The following MALRD1 variants were observed in gnomAD, a reference collection of about 807,000 sequenced individuals.
MALRD1 encodes MAM and LDL-receptor class A domain-containing protein 1.
MALRD1 carries 247 observed loss-of-function variants against 242.1 expected under a neutral mutation model. The ratio of observed to expected loss-of-function variants is 1.02; its 90% CI spans 0.92 to 1.13. The LOEUF (loss-of-function observed/expected upper bound fraction) is 1.13, where lower values mean the gene tolerates loss of function less well. Among genes scored for constraint, MALRD1 ranks in the 50% most tolerant of loss-of-function variants. MALRD1 has a pLI of 0.00. For missense variants in MALRD1, 2,989 were observed against 2,533.1 expected (o/e 1.18, Z -3.86); for synonymous variants, 995 against 866.6 (o/e 1.15, Z -2.60).
intron 14 of MALRD1, among the ~76,000 whole-genome samples, chr10:19,183,924 C>A (rs1245306203): frequency 1.3e-5 from 2 of 152,104 alleles, no homozygotes; most frequent in Non-Finnish European, 2.9e-5. Flanking sequence ...TCTCTCTCTG[C>A]CAGTTAAAAC....
chr10:19,360,115 G>A (rs1410649944), intron 26 of MALRD1, among the ~76,000 whole-genome samples: 2 of 152,038 alleles, frequency 1.3e-5, no homozygotes, highest in Admixed American at 6.6e-5. Context: ...CTAGGATCTA[G>A]CATTTCATTT....
intron 36 of MALRD1, among the ~76,000 whole-genome samples, chr10:19,641,259 A>G (rs1436254297): frequency 6.6e-6 from 1 of 152,156 alleles, no homozygotes; most frequent in Non-Finnish European, 1.5e-5. Flanking sequence ...TAATCGAATA[A>G]TGCAACACTG....
chr10:19,617,200 G>T (rs1021324547), intron 36 of MALRD1, among the ~76,000 whole-genome samples: 8 of 151,896 alleles, frequency 5.3e-5, no homozygotes, highest in Admixed American at 5.3e-4. Context: ...CAACACTCTC[G>T]TAGTCTTAAA....
intron 19 of MALRD1, among the ~76,000 whole-genome samples, chr10:19,270,898 G>T (rs926373174): frequency 6.6e-6 from 1 of 150,768 alleles, no homozygotes; most frequent in Non-Finnish European, 1.5e-5. Context: ...TCAGACAAAT[G>T]AACTATGTAA....
At chr10:19,522,899 T>A (rs1833944006) in intron 31 of MALRD1, among the ~76,000 whole-genome samples, 1 of 152,188 alleles carries the variant, frequency 6.6e-6, no homozygotes, top group Non-Finnish European at 1.5e-5. Context: ...AGTCTTACCT[T>A]GCACATCATT....
Position 19,202,487 on chromosome 10 carries a change from A to G in MALRD1, c.1952-1241A>G, listed in dbSNP as rs979431746. ...TTTATCATTGGGTTAAAATGCTCTT[A>G]CAATTAGGTTAAATTCCCTATAATT... On this transcript the variant is annotated intron_variant, in intron 14 of 39. Coordinates refer to ENST00000454679, the MANE Select transcript of MALRD1 (RefSeq NM_001142308.3). 3.3e-5 allele frequency among the ~76,000 whole-genome samples: 5 copies of G among 152,334 alleles called. No individual in the cohort carries two copies. The South Asian group carries it at 1.0e-3, about 32-fold the overall frequency.
At chr10:19,455,263 G>A (rs552898140) in intron 29 of MALRD1, among the ~76,000 whole-genome samples, 7 of 152,258 alleles carry the variant, frequency 4.6e-5, no homozygotes, top group African/African-American at 1.4e-4. Context: ...AAGGGTTATC[G>A]TATCATTGTA....
intron 10 of MALRD1, among the ~76,000 whole-genome samples, chr10:19,142,044 C>T (rs1187019393): frequency 6.6e-6 from 1 of 151,528 alleles, no homozygotes; most frequent in Non-Finnish European, 1.5e-5. Context: ...TTGTGGTGGG[C>T]GCCTGTAGTC....
At chr10:19,206,654 C>T (rs1185660523) in intron 17 of MALRD1, among the ~76,000 whole-genome samples, 1 of 152,112 alleles carries the variant, frequency 6.6e-6, no homozygotes, top group Non-Finnish European at 1.5e-5. Flanking sequence ...TCCATCAAGG[C>T]ATATTACTTC....
At chr10:19,062,643 A>G (rs1381342078) in intron 1 of MALRD1, among the ~76,000 whole-genome samples, 2 of 152,208 alleles carry the variant, frequency 1.3e-5, no homozygotes, top group African/African-American at 2.4e-5. Context: ...AGAAAAACAT[A>G]CACTATATGA....
chr10:19,286,850 G>A (rs961869919), intron 21 of MALRD1, among the ~76,000 whole-genome samples: 13 of 150,368 alleles, frequency 8.6e-5, no homozygotes, highest in South Asian at 2.1e-4. Context: ...TACCAAAGCC[G>A]GGCAGAGACA....
intron 36 of MALRD1, among the ~76,000 whole-genome samples, chr10:19,677,028 G>A (rs979682367): frequency 6.6e-6 from 1 of 152,182 alleles, no homozygotes; most frequent in East Asian, 1.9e-4. Context: ...AGTATCCCAT[G>A]GTGTATATGT....
At chr10:19,657,762 G>GT (rs1841231743) in intron 36 of MALRD1, among the ~76,000 whole-genome samples, 2 of 151,958 alleles carry the variant, frequency 1.3e-5, no homozygotes, top group African/African-American at 2.4e-5. Context: ...GCCTCACAGG[G>GT]TTTTTTTGTT....
chr10:19,428,673 T>G (rs1833997511), intron 28 of MALRD1, among the ~76,000 whole-genome samples: 1 of 150,104 alleles, frequency 6.7e-6, no homozygotes, highest in Non-Finnish European at 1.5e-5. Context: ...TTCAATCATT[T>G]GAAATGTCAA....
At chr10:19,350,559 G>A (rs564545238) in intron 25 of MALRD1, among the ~76,000 whole-genome samples, 1 of 152,158 alleles carries the variant, frequency 6.6e-6, no homozygotes, top group Non-Finnish European at 1.5e-5. Flanking sequence ...TTACAGGTGT[G>A]AGCCACCGTG....
chr10:19,269,248 T>A (rs1840092825), intron 19 of MALRD1, among the ~76,000 whole-genome samples: 1 of 152,172 alleles, frequency 6.6e-6, no homozygotes. Context: ...GTGGGGCCTT[T>A]GAGAGGTAAT....
chr10:19,279,898 G>T (rs1840720375), intron 19 of MALRD1, 149 bp from the exon 20 acceptor site: 1 of 507,052 alleles, frequency 2.0e-6, no homozygotes, highest in Non-Finnish European at 3.2e-6. Context: ...CAAGAACCTC[G>T]ATTTTATTTT....
At chr10:19,414,574 C>G (rs756206935) in intron 28 of MALRD1, among the ~76,000 whole-genome samples, 12 of 152,074 alleles carry the variant, frequency 7.9e-5, no homozygotes, top group Non-Finnish European at 1.6e-4. Flanking sequence ...AATTGTACAG[C>G]TGTGTCCAGA....
intron 28 of MALRD1, among the ~76,000 whole-genome samples, chr10:19,393,603 G>A (rs767100900): frequency 4.7e-5 from 7 of 147,688 alleles, no homozygotes; most frequent in African/African-American, 7.5e-5. Context: ...CGGCCACCAC[G>A]CCTGGCTAAT....
Sources: gnomAD v4.1 joint callset for allele counts (sites outside exome capture counted in the v4.1 genomes callset) on GRCh38, gnomAD v4.1.1 for gene constraint, MANE v1.5 for transcripts, NCBI Gene and HGNC (gene_info 2026-07-23, HGNC 2026-07-21) for gene names.